The following DTNA variants were observed in gnomAD, a reference collection of about 807,000 sequenced individuals.
DTNA encodes dystrophin-related protein 3.
A neutral mutation model predicts 100.7 loss-of-function variants in DTNA; 43 were observed. The observed-to-expected ratio is 0.43, with a 90% CI of 0.33 to 0.55. DTNA has a LOEUF of 0.55. Among genes scored for constraint, DTNA ranks in the 20% least tolerant of loss-of-function variants. The probability of loss-of-function intolerance (pLI) is 0.04; values close to 1 mark genes in which losing one functional copy is unlikely to be tolerated. For missense variants in DTNA, 798 were observed against 953.9 expected, an observed-to-expected ratio of 0.84 and a Z score of 2.15; for synonymous variants, 349 against 347.9, an observed-to-expected ratio of 1.00 and a Z score of -0.04.
At chr18:34,699,995 G>A (rs919355433) in intron 1 of DTNA, among the ~76,000 whole-genome samples, 5 of 152,146 alleles carry the variant, frequency 3.3e-5, no homozygotes, top group South Asian at 4.1e-4. Flanking sequence ...TCTCTCTGGC[G>A]TTCAATTAAT....
chr18:34,804,068 A>C lies in DTNA; in HGVS notation c.363-2151A>C, dbSNP rs147519166. Among the ~76,000 whole-genome samples, 4 of 152,296 alleles carry C rather than the reference A, an allele frequency of 2.6e-5. No individual in the cohort carries two copies. The East Asian group carries it at 7.7e-4, about 29-fold the overall frequency. The stretch of plus-strand genomic sequence containing the variant: ...TCATTCATTGTGACAGATGCCACAT[A>C]ATAAGTAAAAAGTGAAGGGCAGAGT... On this transcript the variant is annotated intron_variant, in intron 4 of 22. Coordinates refer to ENST00000444659, the MANE Select transcript of DTNA (RefSeq NM_001386795.1).
intron 1 of DTNA, among the ~76,000 whole-genome samples, chr18:34,715,850 A>C (rs561544102): frequency 2.0e-5 from 3 of 152,234 alleles, no homozygotes; most frequent in Non-Finnish European, 4.4e-5. Context: ...GAGGTCTCAT[A>C]AATCTGTAAG....
At chr18:34,750,935 C>A (rs1425528377) in intron 1 of DTNA, among the ~76,000 whole-genome samples, 1 of 152,236 alleles carries the variant, frequency 6.6e-6, no homozygotes, top group Non-Finnish European at 1.5e-5. Flanking sequence ...TCTTCTAACA[C>A]TGTATTCCCT....
At chr18:34,629,105 C>A (rs2057734216) in intron 1 of DTNA, among the ~76,000 whole-genome samples, 1 of 152,050 alleles carries the variant, frequency 6.6e-6, no homozygotes. Context: ...TAGAAGAATT[C>A]TCTGCTATGT....
At chr18:34,856,046 T>C (rs1056630652) in intron 15 of DTNA, among the ~76,000 whole-genome samples, 3 of 152,118 alleles carry the variant, frequency 2.0e-5, no homozygotes, top group African/African-American at 4.8e-5. Context: ...TCCTGGATGT[T>C]TTTGGATCGC....
chr18:34,650,573 T>G (rs1462227106), intron 1 of DTNA, among the ~76,000 whole-genome samples: 2 of 152,168 alleles, frequency 1.3e-5, no homozygotes, highest in African/African-American at 4.8e-5. Flanking sequence ...CAAAATAGAA[T>G]GAAAATTCAG....
chr18:34,875,270 C>T lies in DTNA; in HGVS notation c.1775C>T (p.Pro592Leu). The T allele has an allele frequency of 6.2e-7, 1 of 1,614,180 alleles. No homozygotes were observed. The highest frequency in any genetic ancestry group is 8.5e-7 in the Non-Finnish European group (1 of 1,180,030). Residue 592 changes from proline to leucine, a missense_variant, in exon 18 of 23, where the codon CCC becomes CTC. This residue lies in a region of DTNA where 242 missense variants were observed against 238.2 expected (regional missense o/e 1.02). Coordinates refer to ENST00000444659, the MANE Select transcript of DTNA (RefSeq NM_001386795.1). Reference sequence around the variant, plus strand: ...GGGGCAGGCTCTCCCCGCTCCTCCCCCAGCCACACCATCAGCAGGCCAATT... The same window carrying T: ...GGGGCAGGCTCTCCCCGCTCCTCCCTCAGCCACACCATCAGCAGGCCAATT... ...TQGAGSPRSS[P>L]SHTISRPIPM...
intron 1 of DTNA, among the ~76,000 whole-genome samples, chr18:34,670,549 G>A (rs1006287027): frequency 6.6e-6 from 1 of 152,126 alleles, no homozygotes; most frequent in Admixed American, 6.5e-5. Flanking sequence ...CCATCTTTGT[G>A]GTTTTATCTA....
chr18:34,668,887 A>G (rs920258595), intron 1 of DTNA, among the ~76,000 whole-genome samples: 2 of 152,232 alleles, frequency 1.3e-5, no homozygotes, highest in African/African-American at 4.8e-5. Flanking sequence ...TGGTGCTGAG[A>G]AGAAGGTATA....
chr18:34,697,828 G>GCAAAAAA (rs1342248393), intron 1 of DTNA, among the ~76,000 whole-genome samples: 3 of 152,160 alleles, frequency 2.0e-5, no homozygotes, highest in African/African-American at 4.8e-5. Flanking sequence ...TACTGGAAGA[G>GCAAAAAA]CAAAGAAGGC....
intron 1 of DTNA, among the ~76,000 whole-genome samples, chr18:34,710,763 C>T (rs1275568015): frequency 1.3e-5 from 2 of 151,982 alleles, no homozygotes; most frequent in Admixed American, 1.3e-4. Flanking sequence ...GTCTTCAAAT[C>T]AGCGTAGACC....
At chr18:34,727,239 G>A (rs1291650077) in intron 1 of DTNA, among the ~76,000 whole-genome samples, 1 of 152,226 alleles carries the variant, frequency 6.6e-6, no homozygotes, top group South Asian at 2.1e-4. Flanking sequence ...CTGGTGATGG[G>A]AGGACTGTCC....
intron 4 of DTNA, among the ~76,000 whole-genome samples, chr18:34,796,126 A>G (rs1299684695): frequency 2.6e-5 from 4 of 152,176 alleles, no homozygotes; most frequent in Non-Finnish European, 4.4e-5. Context: ...CACATAGACA[A>G]ATTTCACTGC....
chr18:34,636,480 A>T lies in DTNA; in HGVS notation c.-1-119496A>T, dbSNP rs547499725. Among the ~76,000 whole-genome samples, 229 of 152,312 alleles carry T rather than the reference A, an allele frequency of 1.5e-3. 1 individual carries two copies. Among genetic ancestry groups the T allele is most frequent in the Non-Finnish European group, 2.8e-3 (188 of 68,032 alleles). On this transcript the variant is annotated intron_variant, in intron 1 of 19. Coordinates refer to the DTNA transcript ENST00000283365. ...ACACCCTGAAGTAAAACAAACTTTT[A>T]AAAAACCTGTAGTTAAAAATTACTA...
rs953211134 is a variant in DTNA, at chr18:34,826,525, G to A, written c.1002-1068G>A. Among the ~76,000 whole-genome samples, 3 of 152,218 alleles carry A rather than the reference G, an allele frequency of 2.0e-5. No individual in the cohort carries two copies. The South Asian group carries it at 6.2e-4, about 32-fold the overall frequency. Reference sequence around the variant, plus strand: ...TGTCTTCATTGTAGAATCCAAAGCTGTTCTCTAAGGTAAAAATTAAACCAT... The same window carrying A: ...TGTCTTCATTGTAGAATCCAAAGCTATTCTCTAAGGTAAAAATTAAACCAT... On this transcript the variant is annotated intron_variant, in intron 9 of 22. Coordinates refer to ENST00000444659, the MANE Select transcript of DTNA (RefSeq NM_001386795.1).
intron 1 of DTNA, among the ~76,000 whole-genome samples, chr18:34,567,815 G>C (rs2047216805): frequency 6.6e-6 from 1 of 152,056 alleles, no homozygotes; most frequent in Non-Finnish European, 1.5e-5. Flanking sequence ...ACACATATAT[G>C]TAACTAATTA....
intron 2 of DTNA, among the ~76,000 whole-genome samples, chr18:34,765,738 C>G (rs1327338537): frequency 6.6e-6 from 1 of 152,174 alleles, no homozygotes; most frequent in Non-Finnish European, 1.5e-5. Flanking sequence ...GGTTTACAAC[C>G]TAATCTCCAA....
chr18:34,801,337 T>A (rs1210358869), intron 4 of DTNA, among the ~76,000 whole-genome samples: 1 of 152,006 alleles, frequency 6.6e-6, no homozygotes, highest in Admixed American at 6.6e-5. Flanking sequence ...GAAAGTAAAG[T>A]TTGTATAGGC....
At chr18:34,496,244 A>ACACACACACC (rs1367443521) in intron 1 of DTNA, among the ~76,000 whole-genome samples, 15 of 147,542 alleles carry the variant, frequency 1.0e-4, no homozygotes, top group African/African-American at 3.0e-4. Flanking sequence ...ACACACACAC[A>ACACACACACC]CCAGAATTAT....
Sources: allele counts gnomAD v4.1 joint callset (sites outside exome capture counted in the v4.1 genomes callset), GRCh38; gene constraint gnomAD v4.1.1; regional missense constraint gnomAD v4.1.1; transcripts MANE v1.5; gene names NCBI Gene and HGNC (gene_info 2026-07-23, HGNC 2026-07-21).